Variants in RUFY1 observed in about 807,000 individuals in gnomAD.
The protein encoded by RUFY1 is RUN and FYVE domain containing 1.
Under a neutral mutation model 94.6 loss-of-function variants are expected in RUFY1, and 54 were observed. That is an observed-to-expected ratio of 0.57 (90% CI 0.46 to 0.72). The LOEUF (loss-of-function observed/expected upper bound fraction) is 0.72. Among genes scored for constraint, RUFY1 ranks in the 30% least tolerant of loss-of-function variants. RUFY1 has a pLI of 0.00. For synonymous variants in RUFY1, 396 were observed against 347.3 expected (o/e 1.14, Z -1.56); for missense variants, 883 against 883.9 (o/e 1.00, Z 0.01).
At chr5:179,603,242 G>A (rs1349112290) in intron 15 of RUFY1, among the ~76,000 whole-genome samples, 1 of 146,436 alleles carries the variant, frequency 6.8e-6, no homozygotes, top group East Asian at 2.0e-4. Context: ...TCCAGCCTGG[G>A]CAACAAAAGT....
At chr5:179,602,047 T>A in intron 15 of RUFY1, 61 bp downstream of exon 15, 1 of 1,375,700 alleles carries the variant, frequency 7.3e-7, no homozygotes, top group Non-Finnish European at 1.0e-6. Context: ...ACCACATCCC[T>A]CAGGCCCCAA....
chr5:179,579,657 C>CTTCTTTTTT (rs1433456916), intron 6 of RUFY1, among the ~76,000 whole-genome samples: 2 of 50,548 alleles, frequency 4.0e-5, no homozygotes, highest in African/African-American at 6.1e-5. Flanking sequence ...TTTTCTTCTT[C>CTTCTTTTTT]TTTTTTTTTT....
chr5:179,565,903 A>G (rs1050316103), intron 3 of RUFY1, among the ~76,000 whole-genome samples: 5 of 152,136 alleles, frequency 3.3e-5, no homozygotes, highest in Admixed American at 6.6e-5. Flanking sequence ...ACACTTTGAG[A>G]GGCTGAGATG....
chr5:179,564,917 GGAAA>G (rs752715411), intron 3 of RUFY1, among the ~76,000 whole-genome samples: 3 of 151,960 alleles, frequency 2.0e-5, no homozygotes, highest in Non-Finnish European at 4.4e-5. Context: ...GTACTGATAT[GGAAA>G]GATTTTCAAG....
rs1182803425 is a variant in RUFY1, at chr5:179,594,951, A to G, written c.1499A>G (p.Gln500Arg). 5.6e-6 allele frequency: 9 copies of G among 1,607,702 alleles called. No homozygotes were observed. Among genetic ancestry groups the G allele is most frequent in the South Asian group, 2.2e-5 (2 of 90,946 alleles). ...KTNQVMSSMK[Q>R]MEERLQHSER... is the part of the protein sequence containing the mutation. ...AACCAAGTTATGTCCAGCATGAAAC[A>G]AATGGAAGAAAGGTAATCACTTCCC... Residue 500 changes from glutamine to arginine, a missense_variant, in exon 12 of 18, where the codon CAA (glutamine) becomes CGA (arginine). Gln to Arg is a conservative substitution (Grantham distance 43). Transcript: ENST00000319449.
At chr5:179,566,794 G>A (rs1294587499) in intron 3 of RUFY1, among the ~76,000 whole-genome samples, 1 of 152,110 alleles carries the variant, frequency 6.6e-6, no homozygotes, top group East Asian at 1.9e-4. Flanking sequence ...AGTGGCTCAT[G>A]CCTGTAATCC....
At chr5:179,573,791 G>C (rs1763405083) in intron 5 of RUFY1, among the ~76,000 whole-genome samples, 1 of 151,992 alleles carries the variant, frequency 6.6e-6, no homozygotes, top group Non-Finnish European at 1.5e-5. Context: ...CAAAGTGCTG[G>C]GATTACAGGC....
intron 7 of RUFY1, among the ~76,000 whole-genome samples, chr5:179,585,248 T>A (rs1764507712): frequency 6.6e-6 from 1 of 152,060 alleles, no homozygotes; most frequent in Non-Finnish European, 1.5e-5. Flanking sequence ...TCACCATTTG[T>A]GTTGGGAGAA....
chr5:179,605,869 T>TC lies in RUFY1; in HGVS notation c.1857-5dup. The TC allele has an allele frequency of 1.3e-6, 2 of 1,599,744 alleles. No homozygotes were observed. The highest frequency in any genetic ancestry group is 1.7e-6 in the Non-Finnish European group (2 of 1,171,816). On this transcript the variant is annotated splice_polypyrimidine_tract_variant and splice_region_variant and intron_variant, in intron 15 of 17. Transcript: ENST00000319449. ...CTGCTATGAAATGGCCTTTTTTTTT[T>TC]CCTTAGGTCCAAGCTGAAGATGGAA... is the stretch of plus-strand genomic sequence containing the variant.
At chr5:179,579,162 G>C (rs887631639) in intron 6 of RUFY1, among the ~76,000 whole-genome samples, 1 of 152,030 alleles carries the variant, frequency 6.6e-6, no homozygotes, top group Admixed American at 6.6e-5. Flanking sequence ...GGACTCTCAC[G>C]GTCTGAGTGC....
intron 5 of RUFY1, among the ~76,000 whole-genome samples, chr5:179,576,748 T>A (rs1763643719): frequency 6.6e-6 from 1 of 152,152 alleles, no homozygotes; most frequent in Admixed American, 6.5e-5. Context: ...ATCCAGAACT[T>A]TTTATTATTA....
intron 13 of RUFY1, among the ~76,000 whole-genome samples, chr5:179,598,025 C>T (rs79834143): frequency 0.089 from 13,588 of 152,242 alleles, 689 homozygotes; most frequent in Middle Eastern, 0.13. Context: ...GTCATCTCTA[C>T]TAAAAATACA....
intron 2 of RUFY1, among the ~76,000 whole-genome samples, chr5:179,560,501 C>T (rs1444034185): frequency 6.6e-6 from 1 of 151,546 alleles, no homozygotes; most frequent in Non-Finnish European, 1.5e-5. Flanking sequence ...GGGCGGATCA[C>T]GAGGTCAGGA....
At chr5:179,594,792 G>GCCCT (rs1765455671) in intron 11 of RUFY1, 74 bp from the exon 12 acceptor site, 1 of 589,230 alleles carries the variant, frequency 1.7e-6, no homozygotes. Flanking sequence ...AAGCAAATAA[G>GCCCT]CCCTGTTTGT....
chr5:179,609,515 C>T lies in RUFY1; in HGVS notation c.2123C>T (p.Ser708Phe), dbSNP rs1767508117. 6.2e-7 allele frequency: 1 copy of T among 1,601,302 alleles called. No homozygotes were observed. The highest frequency in any genetic ancestry group is 2.2e-5 in the East Asian group (1 of 44,544). Residue 708 changes from serine (S) to phenylalanine (F), a missense_variant, in exon 18 of 18, where the codon TCC becomes TTC. Coordinates refer to ENST00000319449, the MANE Select transcript of RUFY1 (RefSeq NM_025158.5). ...CTGCAGCGCTGCTCCTCCACGGCCT[C>T]CTGAACGTCCGTCCTCAGGAGCACA... ...LLLQRCSSTA[S>F]
chr5:179,550,929 G>A (rs1433510160), intron 1 of RUFY1, 50 bp downstream of exon 1: 7 of 1,037,658 alleles, frequency 6.7e-6, no homozygotes, highest in Non-Finnish European at 8.1e-6. Flanking sequence ...GTCCCCGCTG[G>A]CCGCCGGCGC....
At chr5:179,558,463 T>A (rs1157016540) in intron 1 of RUFY1, among the ~76,000 whole-genome samples, 2 of 151,696 alleles carry the variant, frequency 1.3e-5, no homozygotes, top group Admixed American at 1.3e-4. Context: ...TCCCAGCTAC[T>A]CGGGAGTCTG....
At chr5:179,577,355 G>A (rs1229091766) in intron 6 of RUFY1, among the ~76,000 whole-genome samples, 1 of 151,026 alleles carries the variant, frequency 6.6e-6, no homozygotes, top group Admixed American at 6.6e-5. Context: ...TGTTTTTAGA[G>A]ACGGGGTTTC....
intron 13 of RUFY1, 134 bp from the exon 14 acceptor site, chr5:179,598,558 A>G (rs570983214): frequency 2.1e-6 from 2 of 966,990 alleles, no homozygotes; most frequent in African/African-American, 3.3e-5. Flanking sequence ...GAGGAGAGGG[A>G]AGCGTTGCCG....
Sources: gnomAD v4.1 joint callset for allele counts (sites outside exome capture counted in the v4.1 genomes callset) on GRCh38, gnomAD v4.1.1 for gene constraint, MANE v1.5 for transcripts, NCBI Gene and HGNC (gene_info 2026-07-23, HGNC 2026-07-21) for gene names.